Variants in NELL2 observed in about 807,000 individuals in gnomAD.
NELL2 encodes the protein neural EGFL like 2.
In NELL2, 41 loss-of-function variants were observed where a neutral mutation model predicts 109.6. The ratio of observed to expected loss-of-function variants is 0.37; its 90% CI spans 0.29 to 0.49. NELL2 has a LOEUF of 0.49. Ranked by LOEUF, NELL2 falls within the 20% of genes least tolerant of loss-of-function variation. The pLI is 0.98. For missense variants in NELL2, 900 were observed against 1,008.3 expected (o/e 0.89, Z 1.45); for synonymous variants, 355 against 344.7 (o/e 1.03, Z -0.33).
At chr12:44,768,394 T>C (rs1458419087) in intron 9 of NELL2, among the ~76,000 whole-genome samples, 1 of 152,140 alleles carries the variant, frequency 6.6e-6, no homozygotes, top group Non-Finnish European at 1.5e-5. Flanking sequence ...AATCTCTCTT[T>C]AAAAATTTAG....
chr12:44,560,170 C>A (rs1285537243), intron 15 of NELL2, among the ~76,000 whole-genome samples: 1 of 152,102 alleles, frequency 6.6e-6, no homozygotes, highest in Non-Finnish European at 1.5e-5. Context: ...TGGGACACAG[C>A]TAAAGCATTG....
At chr12:44,739,088 C>T (rs932659268) in intron 9 of NELL2, among the ~76,000 whole-genome samples, 1 of 152,174 alleles carries the variant, frequency 6.6e-6, no homozygotes, top group Admixed American at 6.5e-5. Flanking sequence ...TCCTTCTGAT[C>T]TTAAATGTTA....
At chr12:44,597,218 A>T (rs1469983283) in intron 15 of NELL2, among the ~76,000 whole-genome samples, 1 of 152,194 alleles carries the variant, frequency 6.6e-6, no homozygotes, top group Non-Finnish European at 1.5e-5. Context: ...ACACTAGTTT[A>T]GCTCTTCATG....
chr12:44,681,011 C>CT (rs959910164), intron 12 of NELL2, among the ~76,000 whole-genome samples: 13 of 149,628 alleles, frequency 8.7e-5, no homozygotes, highest in Non-Finnish European at 1.6e-4. Flanking sequence ...TTGTGCAATT[C>CT]TTTTTTTTTA....
At chr12:44,536,287 T>C (rs1198589261) in intron 15 of NELL2, among the ~76,000 whole-genome samples, 1 of 152,064 alleles carries the variant, frequency 6.6e-6, no homozygotes, top group Non-Finnish European at 1.5e-5. Flanking sequence ...ATGAATTAAG[T>C]ATATTTTGTC....
intron 3 of NELL2, among the ~76,000 whole-genome samples, chr12:44,804,345 T>C (rs1056183090): frequency 6.6e-6 from 1 of 151,882 alleles, no homozygotes; most frequent in Non-Finnish European, 1.5e-5. Flanking sequence ...TATCAATACA[T>C]CTTTCAACCA....
intron 12 of NELL2, among the ~76,000 whole-genome samples, chr12:44,696,800 T>C (rs1949074489): frequency 6.6e-6 from 1 of 152,228 alleles, no homozygotes; most frequent in Non-Finnish European, 1.5e-5. Flanking sequence ...CAAATCTTTC[T>C]TAGGCTCTAC....
chr12:44,814,620 C>T (rs1943279507), intron 3 of NELL2, among the ~76,000 whole-genome samples: 1 of 152,120 alleles, frequency 6.6e-6, no homozygotes. Flanking sequence ...ATGGCACCCT[C>T]CCCTCAAAAA....
intron 13 of NELL2, among the ~76,000 whole-genome samples, chr12:44,624,076 T>A (rs1230107982): frequency 6.6e-6 from 1 of 152,068 alleles, no homozygotes; most frequent in Non-Finnish European, 1.5e-5. Context: ...ATGGCACGTG[T>A]ATACCCATGT....
intron 9 of NELL2, among the ~76,000 whole-genome samples, chr12:44,742,144 C>T (rs1350307285): frequency 1.3e-5 from 2 of 152,094 alleles, no homozygotes; most frequent in Non-Finnish European, 2.9e-5. Context: ...GCAGCATTTG[C>T]GGTTCACCAA....
Position 44,774,795 on chromosome 12 carries a change from T to G in NELL2, c.946A>C (p.Lys316Gln), listed in dbSNP as rs1334865258. The change falls in exon 9 of 20, where the codon AAG becomes CAG. Residue 316 changes from lysine (K) to glutamine (Q), a missense_variant. This residue lies in a region of NELL2 where 292 missense variants were observed against 265.3 expected (regional missense o/e 1.10). Transcript: ENST00000429094. ...LICPNPDCPL[K>Q]SALAYVDGKC... ...CCATCCACATACGCAAGAGCCGACT[T>G]AAGTGGGCAGTCAGGATTTGGGCAG... 4 of 1,614,074 alleles carry G rather than the reference T, an allele frequency of 2.5e-6. No individual in the cohort carries two copies. The African/African-American group carries it at 5.3e-5, about 22-fold the overall frequency.
At chr12:44,581,947 A>G (rs1455913696) in intron 15 of NELL2, among the ~76,000 whole-genome samples, 1 of 152,228 alleles carries the variant, frequency 6.6e-6, no homozygotes, top group Non-Finnish European at 1.5e-5. Flanking sequence ...TTAAGCTCAC[A>G]CTAAATAGAC....
chr12:44,826,357 TAAC>T (rs1161577638), intron 2 of NELL2, among the ~76,000 whole-genome samples: 1 of 152,196 alleles, frequency 6.6e-6, no homozygotes, highest in African/African-American at 2.4e-5. Flanking sequence ...TTTCAGTACT[TAAC>T]TATCAAATGT....
intron 3 of NELL2, among the ~76,000 whole-genome samples, chr12:44,790,704 T>C (rs1942350858): frequency 2.0e-5 from 3 of 151,664 alleles, no homozygotes; most frequent in African/African-American, 7.3e-5. Context: ...ATGCTCCACA[T>C]AAGAGATACA....
intron 3 of NELL2, among the ~76,000 whole-genome samples, chr12:44,788,814 T>G (rs1389029627): frequency 6.6e-6 from 1 of 152,106 alleles, no homozygotes; most frequent in Non-Finnish European, 1.5e-5. Context: ...TCGGGGCTGT[T>G]GGGGCAGGGC....
intron 12 of NELL2, among the ~76,000 whole-genome samples, chr12:44,688,087 G>C (rs1297310845): frequency 1.3e-5 from 2 of 152,064 alleles, no homozygotes; most frequent in East Asian, 3.9e-4. Flanking sequence ...AATCCCCATA[G>C]TAAAATTTAA....
At chr12:44,713,145 T>C (rs1000314566) in intron 10 of NELL2, among the ~76,000 whole-genome samples, 2 of 149,782 alleles carry the variant, frequency 1.3e-5, no homozygotes, top group Non-Finnish European at 3.0e-5. Flanking sequence ...ATTATCAGTA[T>C]TATGAGACAC....
chr12:44,633,209 A>G, intron 13 of NELL2, among the ~76,000 whole-genome samples: 1 of 152,154 alleles, frequency 6.6e-6, no homozygotes, highest in Non-Finnish European at 1.5e-5. Context: ...ACATGATAAA[A>G]GGGATTTCCT....
At position 44,523,297 on chromosome 12, in the gene NELL2, T is replaced by C. The variant is rs757059383; in HGVS notation, c.1992A>G (p.Ser664=). The C allele has an allele frequency of 1.9e-6, 3 of 1,614,020 alleles. No individual in the cohort carries two copies. The highest frequency in any genetic ancestry group is 2.2e-5 in the East Asian group (1 of 44,900). ...GTTTTTCATTTATACCAACCTGACA[T>C]GAGCACACAGAGCACCTGTCATTTT... is the stretch of plus-strand genomic sequence containing the variant. ...VLENDRCSVC[S]CQNGFVMCRR... Residue 664 remains serine (S), a synonymous_variant, in exon 17 of 20, where the codon TCA becomes TCG. Coordinates refer to ENST00000429094, the MANE Select transcript of NELL2 (RefSeq NM_001145108.2).
Sources: gnomAD v4.1 joint callset for allele counts (sites outside exome capture counted in the v4.1 genomes callset) on GRCh38, gnomAD v4.1.1 for gene constraint, gnomAD v4.1.1 regional missense constraint, MANE v1.5 for transcripts, NCBI Gene and HGNC (gene_info 2026-07-23, HGNC 2026-07-21) for gene names.